The following UNC5C variants were observed in gnomAD, a reference collection of about 807,000 sequenced individuals.
UNC5C encodes the protein unc-5 netrin receptor C.
A neutral mutation model predicts 99.8 loss-of-function variants in UNC5C; 47 were observed. The ratio of observed to expected loss-of-function variants is 0.47; its 90% CI spans 0.37 to 0.60. UNC5C has a LOEUF of 0.60. Ranked by LOEUF, UNC5C falls within the 20% of genes least tolerant of loss-of-function variation. UNC5C has a pLI of 0.00. For synonymous variants in UNC5C, 487 were observed against 452.2 expected (o/e 1.08, Z -0.98); for missense variants, 1,062 against 1,165.9 (o/e 0.91, Z 1.30).
chr4:95,502,297 T>C (rs1055680919), intron 1 of UNC5C, among the ~76,000 whole-genome samples: 26 of 152,008 alleles, frequency 1.7e-4, no homozygotes, highest in Admixed American at 1.4e-3. Flanking sequence ...AGAGGCAGGG[T>C]CTTGCTCTGT....
Position 95,463,975 on chromosome 4 carries a change from C to T in UNC5C, c.124+84759G>A, listed in dbSNP as rs545700295. Among the ~76,000 whole-genome samples the T allele has an allele frequency of 3.2e-4, 48 of 152,258 alleles. No individual in the cohort carries two copies. In the South Asian group the frequency reaches 8.7e-3, roughly 28 times the overall value. On this transcript the variant is annotated intron_variant, in intron 1 of 15. Transcript: ENST00000453304. ...ATGAAGCATTTTAATAAAATAACTG[C>T]GTATCTTTACTGTAAACCAGTCTTC...
intron 1 of UNC5C, among the ~76,000 whole-genome samples, chr4:95,489,016 T>C (rs1436424659): frequency 6.8e-6 from 1 of 146,560 alleles, no homozygotes; most frequent in Admixed American, 7.0e-5. Flanking sequence ...GAGGGTATCA[T>C]GACTTAATAA....
chr4:95,189,198 C>G (rs1036909514), intron 12 of UNC5C, among the ~76,000 whole-genome samples: 2 of 152,188 alleles, frequency 1.3e-5, no homozygotes, highest in African/African-American at 4.8e-5. Context: ...CCTAGTTTGG[C>G]TCTAGGTGAA....
chr4:95,317,870 C>T (rs952811471), intron 2 of UNC5C, among the ~76,000 whole-genome samples: 36 of 152,178 alleles, frequency 2.4e-4, no homozygotes, highest in Non-Finnish European at 1.8e-4. Context: ...CATCACTTCC[C>T]TCCTGCACTG....
chr4:95,261,387 C>A (rs1180479832), intron 4 of UNC5C, among the ~76,000 whole-genome samples: 1 of 152,160 alleles, frequency 6.6e-6, no homozygotes, highest in African/African-American at 2.4e-5. Context: ...AGCCTCCTTA[C>A]CCTCCAAAAT....
intron 14 of UNC5C, among the ~76,000 whole-genome samples, chr4:95,171,639 T>A (rs971599511): frequency 6.6e-6 from 1 of 151,992 alleles, no homozygotes; most frequent in Non-Finnish European, 1.5e-5. Flanking sequence ...AGTCTATCAT[T>A]GTTGGACATT....
At chr4:95,383,200 T>C (rs916434024) in intron 1 of UNC5C, among the ~76,000 whole-genome samples, 2 of 152,242 alleles carry the variant, frequency 1.3e-5, no homozygotes, top group East Asian at 1.9e-4. Flanking sequence ...CATTTTCTCA[T>C]AGTTTTCTTC....
At position 95,314,436 on chromosome 4, in the gene UNC5C, C is replaced by A. The variant is rs534865669; in HGVS notation, c.347-12687G>T. Among the ~76,000 whole-genome samples, 109 of 152,302 alleles carry A rather than the reference C, an allele frequency of 7.2e-4. 1 individual carries two copies. Among genetic ancestry groups the A allele is most frequent in the East Asian group, 1.4e-3 (7 of 5,180 alleles). ...GCGGAGCTATCCTGACATGAAGAAT[C>A]AAAGTGCATAAGGTCTACTTATTTT... On this transcript the variant is annotated intron_variant, in intron 2 of 15. Coordinates refer to ENST00000453304, the MANE Select transcript of UNC5C (RefSeq NM_003728.4).
chr4:95,320,714 G>T (rs528063147), intron 2 of UNC5C, among the ~76,000 whole-genome samples: 1 of 152,126 alleles, frequency 6.6e-6, no homozygotes, highest in Non-Finnish European at 1.5e-5. Flanking sequence ...GCTTCTTATT[G>T]TAGCCTCTGC....
At chr4:95,340,845 T>C (rs1420667425) in intron 1 of UNC5C, among the ~76,000 whole-genome samples, 2 of 152,146 alleles carry the variant, frequency 1.3e-5, no homozygotes, top group Non-Finnish European at 2.9e-5. Flanking sequence ...TTTTCCAGCC[T>C]ATCATCTCTA....
At chr4:95,396,665 C>A (rs10155194) in intron 1 of UNC5C, among the ~76,000 whole-genome samples, 39,420 of 151,910 alleles carry the variant, frequency 0.26, 7,750 homozygotes, top group African/African-American at 0.55. Flanking sequence ...ATGCCTTTCA[C>A]CCAATCGAAT....
intron 1 of UNC5C, among the ~76,000 whole-genome samples, chr4:95,401,914 T>C (rs1426941527): frequency 6.6e-6 from 1 of 152,230 alleles, no homozygotes; most frequent in African/African-American, 2.4e-5. Context: ...TACAATGGAA[T>C]GTGGAATGTG....
In UNC5C at chr4:95,321,777, G is replaced by A. The variant is rs975088624; in HGVS notation, c.346+13633C>T. On this transcript the variant is annotated intron_variant, in intron 2 of 15. Transcript: ENST00000453304. ...GAGAAAACATTACACCTTTCAATCC[G>A]GGACAATTGATATTCTGTTATGACT... Among the ~76,000 whole-genome samples the A allele has an allele frequency of 8.5e-5, 13 of 152,148 alleles. No homozygotes were observed. The South Asian group carries it at 1.7e-3, about 19-fold the overall frequency.
rs189955423 is a variant in UNC5C at position 95,483,293 on chromosome 4, A to G, written c.124+65441T>C. On this transcript the variant is annotated intron_variant, in intron 1 of 15. Coordinates refer to ENST00000453304, the MANE Select transcript of UNC5C (RefSeq NM_003728.4). ...CAAGTGAACTTAAAAGGGTATTAAT[A>G]TTCTTCCTTTTGCGACTATTAAAGT... Among the ~76,000 whole-genome samples the G allele has an allele frequency of 1.6e-3, 249 of 151,820 alleles. 1 individual carries two copies. The highest frequency in any genetic ancestry group is 3.0e-3 in the Non-Finnish European group (203 of 67,856).
At chr4:95,385,707 A>C (rs1195341833) in intron 1 of UNC5C, among the ~76,000 whole-genome samples, 2 of 152,210 alleles carry the variant, frequency 1.3e-5, no homozygotes, top group African/African-American at 4.8e-5. Flanking sequence ...CAGTCCCATC[A>C]TGATTCTTCC....
chr4:95,426,514 G>A (rs1746489613), intron 1 of UNC5C, among the ~76,000 whole-genome samples: 1 of 152,206 alleles, frequency 6.6e-6, no homozygotes, highest in African/African-American at 2.4e-5. Context: ...AATTAAGCTA[G>A]GTGAGAAAGG....
chr4:95,167,252 T>TGTTCTTCA lies in UNC5C; in HGVS notation c.*1974_*1981dup, dbSNP rs1470960167. ...GTTCCGATTCATACACATGTCTGCT[T>TGTTCTTCA]GTTCTTCAGTTTTGGTTTTGCTACT... On this transcript the variant is annotated 3_prime_UTR_variant, in exon 16 of 16. Transcript: ENST00000453304. The TGTTCTTCA allele has an allele frequency of 5.3e-5, 8 of 152,236 alleles. No homozygotes were observed. Among genetic ancestry groups the TGTTCTTCA allele is most frequent in the Admixed American group, 3.3e-4 (5 of 15,276 alleles). 9.4% of individuals were successfully genotyped at this position (152,236 alleles called of 1,614,324 possible).
At chr4:95,445,170 A>T (rs191079483) in intron 1 of UNC5C, among the ~76,000 whole-genome samples, 6 of 152,164 alleles carry the variant, frequency 3.9e-5, no homozygotes, top group African/African-American at 1.4e-4. Flanking sequence ...TATAACAAAT[A>T]TATATCAATT....
chr4:95,380,437 A>G (rs1440657880), intron 1 of UNC5C, among the ~76,000 whole-genome samples: 1 of 141,162 alleles, frequency 7.1e-6, no homozygotes, highest in African/African-American at 2.7e-5. Flanking sequence ...CTAATACTTA[A>G]GAAACATTTT....
Sources: gnomAD v4.1 joint callset for allele counts (sites outside exome capture counted in the v4.1 genomes callset) on GRCh38, gnomAD v4.1.1 for gene constraint, MANE v1.5 for transcripts, NCBI Gene and HGNC (gene_info 2026-07-23, HGNC 2026-07-21) for gene names.